STK31: variants seen among roughly 807,000 people sequenced by gnomAD.
The protein encoded by STK31 is serine/threonine-protein kinase 31.
In STK31, 89 loss-of-function variants were observed where a neutral mutation model predicts 129.7. The observed-to-expected ratio is 0.69, with a 90% CI of 0.58 to 0.82. The LOEUF (loss-of-function observed/expected upper bound fraction) is 0.82, where lower values mean the gene tolerates loss of function less well. STK31 is among the 40% of genes least tolerant of loss of function. The pLI is 0.00. For missense variants in STK31, 1,187 were observed against 1,176.4 expected (o/e 1.01, Z -0.13); for synonymous variants, 448 against 395.3 (o/e 1.13, Z -1.58).
At position 23,750,073 on chromosome 7, in the gene STK31, C is replaced by G. The variant is rs986474490; in HGVS notation, c.1018-2644C>G. Among the ~76,000 whole-genome samples the G allele has an allele frequency of 9.8e-5, 12 of 122,200 alleles. 1 individual carries two copies. The highest frequency in any genetic ancestry group is 3.4e-4 in the Admixed American group (4 of 11,744). 80.2% of individuals were successfully genotyped at this position (122,200 alleles called of 152,430 possible). A position where few individuals can be genotyped will look rare whatever the true frequency, so the allele number is the denominator to read the frequency against. On this transcript the variant is annotated intron_variant, in intron 8 of 23. Coordinates refer to ENST00000355870, the MANE Select transcript of STK31 (RefSeq NM_031414.5). ...TATTTCAGAATGGTTTGTTTCCCCC[C>G]CCGCCACTGCTGGAAACATGAGGGG...
At chr7:23,751,135 C>T (rs915682494) in intron 8 of STK31, among the ~76,000 whole-genome samples, 2 of 152,132 alleles carry the variant, frequency 1.3e-5, no homozygotes, top group Non-Finnish European at 2.9e-5. Context: ...TATTTTCTTT[C>T]TGTGCCTGGC....
chr7:23,806,940 C>T (rs947011835), intron 22 of STK31, among the ~76,000 whole-genome samples: 5 of 149,272 alleles, frequency 3.3e-5, no homozygotes, highest in Middle Eastern at 3.6e-3. Flanking sequence ...ACAGGATGGA[C>T]GGACTCACTA....
At chr7:23,774,873 T>A (rs1043263458) in intron 15 of STK31, among the ~76,000 whole-genome samples, 2 of 152,196 alleles carry the variant, frequency 1.3e-5, no homozygotes, top group African/African-American at 2.4e-5. Context: ...CTGAATGGTA[T>A]TGCCTAGGTT....
At chr7:23,761,387 C>T (rs1185238403) in intron 10 of STK31, among the ~76,000 whole-genome samples, 2 of 150,592 alleles carry the variant, frequency 1.3e-5, no homozygotes, top group African/African-American at 4.9e-5. Flanking sequence ...AAGTATTTTG[C>T]ATAGTTCTTT....
intron 14 of STK31, 136 bp downstream of exon 14, chr7:23,771,260 T>C: frequency 2.7e-6 from 2 of 739,084 alleles, no homozygotes; most frequent in Non-Finnish European, 3.9e-6. Flanking sequence ...CTGGAAATGG[T>C]GATTTTTGAT....
At chr7:23,828,849 T>C (rs1295479354) in intron 23 of STK31, among the ~76,000 whole-genome samples, 1 of 152,144 alleles carries the variant, frequency 6.6e-6, no homozygotes, top group Admixed American at 6.5e-5. Flanking sequence ...TGGAGATCCT[T>C]GTCTTGTTCC....
At chr7:23,829,464 C>T (rs1794412082) in intron 23 of STK31, among the ~76,000 whole-genome samples, 1 of 152,086 alleles carries the variant, frequency 6.6e-6, no homozygotes, top group African/African-American at 2.4e-5. Flanking sequence ...TCCTAGCATC[C>T]CTGGGATAAA....
chr7:23,793,734 A>G (rs1047110106), intron 22 of STK31, among the ~76,000 whole-genome samples: 1 of 152,206 alleles, frequency 6.6e-6, no homozygotes, highest in African/African-American at 2.4e-5. Context: ...AGATCGTACC[A>G]ACGGTTGCTT....
At chr7:23,731,096 C>G (rs952740036) in intron 6 of STK31, among the ~76,000 whole-genome samples, 1 of 151,478 alleles carries the variant, frequency 6.6e-6, no homozygotes, top group Admixed American at 6.6e-5. Flanking sequence ...GTTGGCCAGG[C>G]TGGTCTTGAA....
At chr7:23,710,885 C>T (rs1239955589) in intron 1 of STK31, 1 of 776,690 alleles carries the variant, frequency 1.3e-6, no homozygotes. Flanking sequence ...TAATGCTTTC[C>T]GTGGGAATAT....
intron 15 of STK31, among the ~76,000 whole-genome samples, chr7:23,775,684 C>G (rs1172147491): frequency 1.3e-5 from 2 of 152,100 alleles, no homozygotes; most frequent in South Asian, 4.2e-4. Context: ...GATTTTGTAT[C>G]CTGAGACTTT....
intron 23 of STK31, among the ~76,000 whole-genome samples, chr7:23,823,689 T>C (rs1793930305): frequency 6.6e-6 from 1 of 152,242 alleles, no homozygotes; most frequent in Non-Finnish European, 1.5e-5. Context: ...ATGTCCTGAA[T>C]GGTATTGCCT....
At chr7:23,827,831 A>G (rs575302672) in intron 23 of STK31, among the ~76,000 whole-genome samples, 1 of 152,284 alleles carries the variant, frequency 6.6e-6, no homozygotes, top group East Asian at 1.9e-4. Context: ...CCTCTGCTGC[A>G]GGTCTGTTGT....
chr7:23,722,256 T>G (rs1786755839), intron 4 of STK31: 1 of 152,492 alleles, frequency 6.6e-6, no homozygotes, highest in African/African-American at 2.4e-5. Flanking sequence ...GATGGGGTTT[T>G]GGTGTGGATG....
intron 7 of STK31, among the ~76,000 whole-genome samples, chr7:23,736,522 T>A (rs1001046790): frequency 1.7e-5 from 2 of 114,610 alleles, no homozygotes; most frequent in Non-Finnish European, 3.3e-5. Flanking sequence ...AGCTAAACTG[T>A]CAAATGGGGG....
chr7:23,820,945 C>T (rs528471484), intron 23 of STK31, among the ~76,000 whole-genome samples: 2 of 152,250 alleles, frequency 1.3e-5, no homozygotes, highest in South Asian at 4.2e-4. Context: ...CATTGATGGA[C>T]GCTTAGGTTG....
chr7:23,821,589 A>G (rs543275345), intron 23 of STK31, among the ~76,000 whole-genome samples: 3 of 152,240 alleles, frequency 2.0e-5, no homozygotes, highest in East Asian at 1.9e-4. Flanking sequence ...TTTTCCTTCA[A>G]TTCAACAAAT....
chr7:23,753,917 G>GTTTC (rs1788885654), intron 9 of STK31, among the ~76,000 whole-genome samples: 1 of 152,028 alleles, frequency 6.6e-6, no homozygotes, highest in Non-Finnish European at 1.5e-5. Context: ...GATACTATGG[G>GTTTC]TTTCTTATAT....
At position 23,728,072 on chromosome 7, in the gene STK31, CTTTTTTTTTTTTT is replaced by C. The variant is rs56355518; in HGVS notation, c.324+773_324+785del. The stretch of plus-strand genomic sequence containing the variant: ...TGTGGTGAGTTTTCTTTGTGTTAAG[CTTTTTTTTTTTTT>C]TTTTTTTTTTTTTTTGACATTGTGA... On this transcript the variant is annotated intron_variant, in intron 5 of 23. Transcript: ENST00000355870. Among the ~76,000 whole-genome samples, 62 of 68,262 alleles carry C rather than the reference CTTTTTTTTTTTTT, an allele frequency of 9.1e-4. 2 individuals carry two copies. The highest frequency in any genetic ancestry group is 1.1e-3 in the African/African-American group (17 of 15,288). The allele number at this position is 68,262 out of a possible 152,430, so 44.8% of individuals were successfully genotyped here.
Sources: gnomAD v4.1 joint callset for allele counts (sites outside exome capture counted in the v4.1 genomes callset) on GRCh38, gnomAD v4.1.1 for gene constraint, MANE v1.5 for transcripts, NCBI Gene and HGNC (gene_info 2026-07-23, HGNC 2026-07-21) for gene names.